The following SNX4 variants were observed in gnomAD, a reference collection of about 807,000 sequenced individuals.
SNX4 encodes the protein sorting nexin 4, also known as sorting nexin-4.
In SNX4, 49 loss-of-function variants were observed where a neutral mutation model predicts 70.8. That is an observed-to-expected ratio of 0.69 (90% CI 0.55 to 0.88). The LOEUF is 0.88. Ranked by LOEUF, SNX4 falls within the 40% of genes least tolerant of loss-of-function variation. SNX4 has a pLI of 0.00. For synonymous variants in SNX4, 206 were observed against 183.8 expected (o/e 1.12, Z -0.98); for missense variants, 528 against 544.8 (o/e 0.97, Z 0.31).
At position 125,508,043 on chromosome 3, in the gene SNX4, A is replaced by G. The variant is rs536124300; in HGVS notation, c.142-3299T>C. On this transcript the variant is annotated intron_variant, in intron 1 of 13. Transcript: ENST00000251775. ...ACTTGTACAATGGAAAGTATAAAAC[A>G]CTGCTAGAAATTAAAAGAAGATAAA... Among the ~76,000 whole-genome samples the G allele has an allele frequency of 1.7e-3, 257 of 152,362 alleles. 1 individual carries two copies. The highest frequency in any genetic ancestry group is 6.8e-3 in the Middle Eastern group (2 of 294).
intron 1 of SNX4, among the ~76,000 whole-genome samples, chr3:125,506,817 T>TGAAAAAAAAAAAAAAA (rs199752160): frequency 3.7e-5 from 1 of 26,820 alleles, no homozygotes; most frequent in African/African-American, 9.7e-5. Context: ...GTGGAGAAAG[T>TGAAAAAAAAAAAAAAA]AAAAAAAAAA....
chr3:125,511,271 A>G (rs938304067), intron 1 of SNX4, among the ~76,000 whole-genome samples: 2 of 151,490 alleles, frequency 1.3e-5, no homozygotes, highest in Non-Finnish European at 2.9e-5. Context: ...ATGATCCTCA[A>G]TATTGATATC....
chr3:125,498,086 A>G lies in SNX4; in HGVS notation c.372T>C (p.Ile124=). Residue 124 remains isoleucine (I), a synonymous_variant, in exon 3 of 14, where the codon ATT becomes ATC. Coordinates refer to ENST00000251775, the MANE Select transcript of SNX4 (RefSeq NM_003794.4). ...GTTTTTCTGGCAGAGGTGGCACAAC[A>G]ATATGTGGATAGTAAACTAAAAGGT... The part of the protein sequence containing the change: ...RSYLLVYYPH[I]VVPPLPEKRA... 3 of 1,614,186 alleles carry G rather than the reference A, an allele frequency of 1.9e-6. No individual in the cohort carries two copies. Among genetic ancestry groups the G allele is most frequent in the Non-Finnish European group, 2.5e-6 (3 of 1,180,022 alleles).
chr3:125,512,797 G>A (rs1408496228), intron 1 of SNX4, among the ~76,000 whole-genome samples: 2 of 149,400 alleles, frequency 1.3e-5, no homozygotes, highest in East Asian at 1.9e-4. Context: ...TTGAGACAGA[G>A]TGTCACCCAG....
intron 6 of SNX4, among the ~76,000 whole-genome samples, chr3:125,481,447 CTTTTTTT>C (rs34708524): frequency 7.4e-6 from 1 of 134,854 alleles, no homozygotes; most frequent in African/African-American, 2.7e-5. Flanking sequence ...TTCCTGAAAT[CTTTTTTT>C]TTTTTTTTTT....
At chr3:125,452,975 GAACAA>G (rs1427782411) in intron 12 of SNX4, among the ~76,000 whole-genome samples, 1 of 152,112 alleles carries the variant, frequency 6.6e-6, no homozygotes, top group Non-Finnish European at 1.5e-5. Flanking sequence ...TTCTAAAAAT[GAACAA>G]AACCACCTCA....
At chr3:125,449,793 G>C (rs1933527978) in intron 13 of SNX4, among the ~76,000 whole-genome samples, 1 of 152,196 alleles carries the variant, frequency 6.6e-6, no homozygotes, top group African/African-American at 2.4e-5. Context: ...AAAGTCCTTT[G>C]AGACATTATA....
intron 1 of SNX4, among the ~76,000 whole-genome samples, chr3:125,505,467 T>G (rs973486576): frequency 1.3e-5 from 2 of 152,120 alleles, no homozygotes; most frequent in Non-Finnish European, 2.9e-5. Flanking sequence ...AGGGGAAGGC[T>G]TGGATGACAA....
At chr3:125,453,609 A>G (rs1579970913) in intron 12 of SNX4, among the ~76,000 whole-genome samples, 1 of 151,922 alleles carries the variant, frequency 6.6e-6, no homozygotes, top group Non-Finnish European at 1.5e-5. Context: ...TCAGCCTCCT[A>G]AAGTGTCAGG....
At chr3:125,452,249 T>G (rs1933594839) in intron 12 of SNX4, among the ~76,000 whole-genome samples, 1 of 151,408 alleles carries the variant, frequency 6.6e-6, no homozygotes, top group African/African-American at 2.4e-5. Context: ...CACACGCCAC[T>G]GCACTCGGCT....
chr3:125,499,047 G>A (rs1245423309), intron 2 of SNX4, among the ~76,000 whole-genome samples: 1 of 152,122 alleles, frequency 6.6e-6, no homozygotes, highest in African/African-American at 2.4e-5. Context: ...GAGTGGCGAA[G>A]AGGGGTCATA....
intron 9 of SNX4, among the ~76,000 whole-genome samples, chr3:125,462,826 T>G (rs576362468): frequency 6.6e-6 from 1 of 152,122 alleles, no homozygotes; most frequent in African/African-American, 2.4e-5. Context: ...CCAGGAGGGT[T>G]ATCAGCTTCG....
intron 1 of SNX4, among the ~76,000 whole-genome samples, chr3:125,513,340 A>G (rs1285158494): frequency 2.0e-5 from 3 of 152,214 alleles, no homozygotes; most frequent in African/African-American, 7.2e-5. Context: ...ACTGTAAGCA[A>G]TTCATTGCTA....
intron 9 of SNX4, 54 bp downstream of exon 9, chr3:125,469,400 T>C (rs1032568914): frequency 8.5e-7 from 1 of 1,172,256 alleles, no homozygotes; most frequent in South Asian, 1.2e-5. Context: ...GAGTCACTAA[T>C]GCTTCACTAC....
chr3:125,469,832 G>A (rs949215492), intron 8 of SNX4, among the ~76,000 whole-genome samples: 9 of 152,094 alleles, frequency 5.9e-5, no homozygotes, highest in Non-Finnish European at 1.0e-4. Flanking sequence ...TAAAAAATAC[G>A]GATGCTAGCC....
At chr3:125,484,448 T>C (rs757804081) in intron 6 of SNX4, among the ~76,000 whole-genome samples, 4 of 151,334 alleles carry the variant, frequency 2.6e-5, no homozygotes, top group Non-Finnish European at 5.9e-5. Context: ...AGAGACGGGG[T>C]TTCACCATGT....
intron 1 of SNX4, among the ~76,000 whole-genome samples, chr3:125,506,832 A>G (rs1437899660): frequency 5.9e-4 from 80 of 136,394 alleles, no homozygotes; most frequent in African/African-American, 1.8e-3. Flanking sequence ...AAAAAAAAAA[A>G]AAAAAAAAAA....
chr3:125,510,651 T>C lies in SNX4; in HGVS notation c.142-5907A>G, dbSNP rs537726184. Among the ~76,000 whole-genome samples, 304 of 152,254 alleles carry C rather than the reference T, an allele frequency of 2.0e-3. 1 individual carries two copies. Among genetic ancestry groups the C allele is most frequent in the Admixed American group, 3.9e-3 (59 of 15,286 alleles). ...TATATCTTAAAGACATTATGATAAG[T>C]GAAATAAAACAGTCACATAAAGACA... On this transcript the variant is annotated intron_variant, in intron 1 of 13. Transcript: ENST00000251775.
Position 125,464,829 on chromosome 3 carries a change from T to G in SNX4, c.855-3969A>C, listed in dbSNP as rs183886992. Among the ~76,000 whole-genome samples the G allele has an allele frequency of 1.2e-4, 18 of 152,110 alleles. No individual in the cohort carries two copies. In the East Asian group the frequency reaches 3.5e-3, roughly 30 times the overall value. ...GCAATCTTAGGCTCACTGCAACCACTGCCTCCTTGGGTTCAAGTAATTCTC... is the reference window on the plus strand; with the variant it reads ...GCAATCTTAGGCTCACTGCAACCACGGCCTCCTTGGGTTCAAGTAATTCTC... On this transcript the variant is annotated intron_variant, in intron 9 of 13. Coordinates refer to ENST00000251775, the MANE Select transcript of SNX4 (RefSeq NM_003794.4).
Sources: allele counts gnomAD v4.1 joint callset (sites outside exome capture counted in the v4.1 genomes callset), GRCh38; gene constraint gnomAD v4.1.1; transcripts MANE v1.5; gene names NCBI Gene and HGNC (gene_info 2026-07-23, HGNC 2026-07-21).